The following ANO5 variants were observed in gnomAD, a reference collection of about 807,000 sequenced individuals.
ANO5 encodes the protein anoctamin-5.
A neutral mutation model predicts 121.0 loss-of-function variants in ANO5; 109 were observed. That is an observed-to-expected ratio of 0.90 (90% CI 0.77 to 1.06). ANO5 has a LOEUF of 1.06. Among genes scored for constraint, ANO5 ranks in the 50% least tolerant of loss-of-function variants. The pLI is 0.00. For synonymous variants in ANO5, 406 were observed against 359.9 expected, an observed-to-expected ratio of 1.13 and a Z score of -1.45; for missense variants, 1,064 against 1,078.5, an observed-to-expected ratio of 0.99 and a Z score of 0.19.
At chr11:22,257,902 T>G (rs1177653761) in intron 14 of ANO5, 148 bp downstream of exon 14, 1 of 692,856 alleles carries the variant, frequency 1.4e-6, no homozygotes, top group African/African-American at 1.8e-5. Flanking sequence ...TTATACAAAA[T>G]AAACTGTAAT....
rs1422338587 is a variant in ANO5, at chr11:22,279,360, ATATT to A, written c.2521-178_2521-175del. Among the ~76,000 whole-genome samples the A allele has an allele frequency of 5.9e-5, 9 of 151,994 alleles. No homozygotes were observed. The East Asian group carries it at 1.4e-3, about 23-fold the overall frequency. On this transcript the variant is annotated intron_variant, in intron 21 of 21. Transcript: ENST00000324559. The stretch of plus-strand genomic sequence containing the variant: ...TATTGCTAGTTACATATTTAAGTAT[ATATT>A]TATTTGTTTGATGTTGATCTTTGTA...
rs752894507 is a variant in ANO5, at chr11:22,270,263, C to T, written c.1899-49C>T. The T allele has an allele frequency of 2.5e-6, 4 of 1,608,288 alleles. No homozygotes were observed. In the African/African-American group the frequency reaches 4.0e-5, roughly 16 times the overall value. Reference sequence around the variant, plus strand: ...ATCTAACACTCTGATTCTCTGATCGCTTTCTTTTTGGTCCTATTTCATATA... The same window carrying T: ...ATCTAACACTCTGATTCTCTGATCGTTTTCTTTTTGGTCCTATTTCATATA... On this transcript the variant is annotated intron_variant, in intron 17 of 21. Transcript: ENST00000324559.
At chr11:22,201,695 T>G (rs1693449294) in intron 1 of ANO5, among the ~76,000 whole-genome samples, 1 of 152,178 alleles carries the variant, frequency 6.6e-6, no homozygotes, top group South Asian at 2.1e-4. Context: ...CATCACTTGG[T>G]GAGAGAGCAT....
intron 19 of ANO5, among the ~76,000 whole-genome samples, chr11:22,274,099 C>A: frequency 6.6e-6 from 1 of 151,464 alleles, no homozygotes; most frequent in East Asian, 1.9e-4. Flanking sequence ...TTAATTGCAC[C>A]CAACTGTGAG....
At chr11:22,206,211 C>T (rs1463805457) in intron 2 of ANO5, among the ~76,000 whole-genome samples, 1 of 151,788 alleles carries the variant, frequency 6.6e-6, no homozygotes, top group African/African-American at 2.4e-5. Context: ...TACATAGATA[C>T]AAAAATCCTT....
chr11:22,239,872 C>T lies in ANO5; in HGVS notation c.878+188C>T, dbSNP rs532618257. Among the ~76,000 whole-genome samples, 3 of 152,080 alleles carry T rather than the reference C, an allele frequency of 2.0e-5. No homozygotes were observed. The East Asian group carries it at 5.8e-4, about 29-fold the overall frequency. On this transcript the variant is annotated intron_variant, in intron 9 of 21. Coordinates refer to ENST00000324559, the MANE Select transcript of ANO5 (RefSeq NM_213599.3). ...TTGCTAAACTGATGAAAGACAACAG[C>T]GATAGTATGGTGGTTAGGAGGTTAG... is the stretch of plus-strand genomic sequence containing the variant.
At chr11:22,270,248 C>G (rs970536772) in intron 17 of ANO5, 64 bp from the exon 18 acceptor site, 8 of 1,587,250 alleles carry the variant, frequency 5.0e-6, no homozygotes, top group East Asian at 2.2e-5. Context: ...ATCTAACACT[C>G]TGATTCTCTG....
At chr11:22,278,477 T>C (rs1307665560) in intron 21 of ANO5, among the ~76,000 whole-genome samples, 1 of 151,714 alleles carries the variant, frequency 6.6e-6, no homozygotes, top group Admixed American at 6.6e-5. Context: ...TTAATATCTT[T>C]TTTAAAATTC....
At chr11:22,222,250 T>A (rs7935686) in intron 5 of ANO5, among the ~76,000 whole-genome samples, 2 of 151,782 alleles carry the variant, frequency 1.3e-5, no homozygotes, top group African/African-American at 2.4e-5. Context: ...TCATTTATCT[T>A]TCTCTGCATC....
At chr11:22,198,057 A>G (rs114648809) in intron 1 of ANO5, among the ~76,000 whole-genome samples, 2 of 152,298 alleles carry the variant, frequency 1.3e-5, no homozygotes, top group African/African-American at 4.8e-5. Context: ...AAGGGTGCAT[A>G]CATGTGAGAG....
At chr11:22,240,409 A>C (rs537340529) in intron 9 of ANO5, among the ~76,000 whole-genome samples, 20 of 151,994 alleles carry the variant, frequency 1.3e-4, no homozygotes, top group Non-Finnish European at 2.2e-4. Context: ...TTATACTTGC[A>C]TTGCTATGCT....
intron 1 of ANO5, among the ~76,000 whole-genome samples, chr11:22,201,250 G>T (rs762734478): frequency 3.4e-4 from 52 of 152,212 alleles, no homozygotes; most frequent in Non-Finnish European, 6.2e-4. Context: ...TTTATCAGCC[G>T]TCTTTCATTT....
intron 14 of ANO5, 42 bp from the exon 15 acceptor site, chr11:22,259,477 A>T: frequency 6.5e-7 from 1 of 1,538,362 alleles, no homozygotes; most frequent in Non-Finnish European, 9.0e-7. Flanking sequence ...CATAACAGAG[A>T]TACAGAGACC....
At chr11:22,262,405 C>T in intron 16 of ANO5, 107 bp downstream of exon 16, 9 of 1,160,500 alleles carry the variant, frequency 7.8e-6, no homozygotes, top group Non-Finnish European at 1.1e-5. Flanking sequence ...CAAAATATAT[C>T]TAGGCACTGA....
chr11:22,206,002 C>T (rs561096135), intron 2 of ANO5, among the ~76,000 whole-genome samples: 1 of 152,212 alleles, frequency 6.6e-6, no homozygotes, highest in South Asian at 2.1e-4. Context: ...CCTCTTCAGG[C>T]TTAAATGGTC....
Position 22,262,972 on chromosome 11 carries a change from A to G in ANO5, c.1827A>G (p.Glu609=), listed in dbSNP as rs1564944168. Residue 609 remains glutamate (E), a synonymous_variant, in exon 17 of 22, where the codon GAA becomes GAG. Transcript: ENST00000324559. Reference sequence around the variant, plus strand: ...GTGATCCTGGAGGCTGTCTTATAGAATTGACAACCCAATTGACCATTATAA... The same window carrying G: ...GTGATCCTGGAGGCTGTCTTATAGAGTTGACAACCCAATTGACCATTATAA... ...EECDPGGCLI[E]LTTQLTIIMT... 1.9e-6 allele frequency: 3 copies of G among 1,613,592 alleles called. No homozygotes were observed. Among genetic ancestry groups the G allele is most frequent in the African/African-American group, 1.3e-5 (1 of 75,020 alleles).
At chr11:22,208,400 T>C (rs575028523) in intron 2 of ANO5, among the ~76,000 whole-genome samples, 1 of 152,134 alleles carries the variant, frequency 6.6e-6, no homozygotes, top group South Asian at 2.1e-4. Context: ...CTCCAGGACA[T>C]TGTGCTAAGT....
Position 22,227,243 on chromosome 11 carries a change from C to G in ANO5, c.364-59C>G. On this transcript the variant is annotated intron_variant, in intron 6 of 21. Coordinates refer to ENST00000324559, the MANE Select transcript of ANO5 (RefSeq NM_213599.3). ...TAAAATATTATCCATCTTATTTAAT[C>G]AGCTCAATAACAAACTGATCAGTAA... The G allele has an allele frequency of 2.5e-6, 4 of 1,578,020 alleles. No individual in the cohort carries two copies. In the South Asian group the frequency reaches 4.5e-5, roughly 18 times the overall value.
At chr11:22,238,072 T>G (rs1853286227) in intron 8 of ANO5, among the ~76,000 whole-genome samples, 1 of 152,150 alleles carries the variant, frequency 6.6e-6, no homozygotes, top group Admixed American at 6.5e-5. Context: ...ATTTACAATC[T>G]GCTGTTGGTT....
Sources: gnomAD v4.1 joint callset for allele counts (sites outside exome capture counted in the v4.1 genomes callset) on GRCh38, gnomAD v4.1.1 for gene constraint, MANE v1.5 for transcripts, NCBI Gene and HGNC (gene_info 2026-07-23, HGNC 2026-07-21) for gene names.